IL33: variants seen among roughly 807,000 people sequenced by gnomAD.
IL33 encodes the protein interleukin-33.
A neutral mutation model predicts 27.3 loss-of-function variants in IL33; 37 were observed. The observed-to-expected ratio is 1.36, with a 90% CI of 1.04 to 1.78. IL33 has a LOEUF of 1.78. Among genes scored for constraint, IL33 ranks in the 40% most tolerant of loss-of-function variants. The pLI is 0.00. For missense variants in IL33, 406 were observed against 311.4 expected, an observed-to-expected ratio of 1.30 and a Z score of -2.29; for synonymous variants, 132 against 102.9, an observed-to-expected ratio of 1.28 and a Z score of -1.71.
chr9:6,253,823 C>T (rs1816561019), intron 6 of IL33, among the ~76,000 whole-genome samples: 1 of 152,104 alleles, frequency 6.6e-6, no homozygotes, highest in African/African-American at 2.4e-5. Context: ...AATACAGATC[C>T]AAAACAAGAG....
intron 1 of IL33, among the ~76,000 whole-genome samples, chr9:6,221,251 G>A (rs1818399731): frequency 6.6e-6 from 1 of 152,086 alleles, no homozygotes; most frequent in East Asian, 1.9e-4. Flanking sequence ...ACTTATTCAA[G>A]AGCCATATGG....
chr9:6,248,244 T>C (rs1388612030), intron 2 of IL33, among the ~76,000 whole-genome samples: 1 of 53,486 alleles, frequency 1.9e-5, no homozygotes, highest in Non-Finnish European at 3.2e-5. Context: ...TCTTTTCTTT[T>C]TTTTTTTTTT....
chr9:6,227,908 G>A (rs776191558), intron 1 of IL33, among the ~76,000 whole-genome samples: 2 of 152,088 alleles, frequency 1.3e-5, no homozygotes, highest in East Asian at 1.9e-4. Context: ...GGAATGCAAC[G>A]GATTTGGATT....
At chr9:6,218,659 C>T (rs1818258713) in intron 1 of IL33, among the ~76,000 whole-genome samples, 1 of 140,958 alleles carries the variant, frequency 7.1e-6, no homozygotes, top group African/African-American at 2.7e-5. Flanking sequence ...TACATATGTC[C>T]CCATATATAT....
chr9:6,215,816 C>G lies in IL33; in HGVS notation c.-48C>G, dbSNP rs1222976053. ...ACAGACTCCTCCGAACACAGAGCTG[C>G]AGCTCTTCAGGGAAGAAATCAAAAC... is the stretch of plus-strand genomic sequence containing the variant. On this transcript the variant is annotated 5_prime_UTR_variant, in exon 1 of 8. Transcript: ENST00000682010. The G allele has an allele frequency of 6.6e-6, 1 of 152,108 alleles. No homozygotes were observed. The highest frequency in any genetic ancestry group is 1.5e-5 in the Non-Finnish European group (1 of 68,044). 9.4% of individuals were successfully genotyped at this position (152,108 alleles called of 1,614,324 possible).
intron 1 of IL33, among the ~76,000 whole-genome samples, chr9:6,218,110 C>T (rs761771344): frequency 2.6e-4 from 40 of 152,214 alleles, no homozygotes; most frequent in Non-Finnish European, 4.9e-4. Context: ...TCACACAGCT[C>T]GGTATTGTCT....
chr9:6,221,349 G>C (rs1316918606), intron 1 of IL33, among the ~76,000 whole-genome samples: 1 of 152,140 alleles, frequency 6.6e-6, no homozygotes, highest in Non-Finnish European at 1.5e-5. Context: ...AGTATAAGCT[G>C]TTTTACAAAA....
At chr9:6,230,105 G>T (rs956604417) in intron 1 of IL33, among the ~76,000 whole-genome samples, 3 of 152,160 alleles carry the variant, frequency 2.0e-5, no homozygotes, top group Non-Finnish European at 4.4e-5. Context: ...TGATGGGGCA[G>T]GTAGTGCCAA....
intron 1 of IL33, among the ~76,000 whole-genome samples, chr9:6,227,105 A>G (rs1208397487): frequency 6.6e-6 from 1 of 152,230 alleles, no homozygotes; most frequent in Non-Finnish European, 1.5e-5. Context: ...GTTTCCTTCC[A>G]GCAAGGGCTG....
At chr9:6,246,467 CAGG>C (rs561047741) in intron 2 of IL33, among the ~76,000 whole-genome samples, 102 of 152,202 alleles carry the variant, frequency 6.7e-4, no homozygotes, top group African/African-American at 2.4e-3. Flanking sequence ...GAAGCTGAGG[CAGG>C]AGAATTGCTG....
At position 6,250,551 on chromosome 9, in the gene IL33, G is replaced by T. The variant is rs183839589; in HGVS notation, c.169G>T (p.Ala57Ser). 3 of 1,613,990 alleles carry T rather than the reference G, an allele frequency of 1.9e-6. No homozygotes were observed. Among genetic ancestry groups the T allele is most frequent in the Non-Finnish European group, 2.5e-6 (3 of 1,179,932 alleles). Residue 57 changes from alanine to serine, a missense_variant, in exon 3 of 8, where the codon GCC becomes TCC. Physicochemically the swap from Ala to Ser is moderately conservative, Grantham distance 99. Coordinates refer to ENST00000682010, the MANE Select transcript of IL33 (RefSeq NM_033439.4). Reference sequence around the variant, plus strand: ...CTCTGGCCTTATGATAAAAAAGGAGGCCTGTTACTTTAGGAGAGAAACCAC... The same window carrying T: ...CTCTGGCCTTATGATAAAAAAGGAGTCCTGTTACTTTAGGAGAGAAACCAC... ...LRSGLMIKKEACYFRRETTKR... is the reference protein window; with the variant it reads ...LRSGLMIKKESCYFRRETTKR...
intron 1 of IL33, among the ~76,000 whole-genome samples, chr9:6,228,126 T>C (rs1182600038): frequency 2.6e-5 from 4 of 152,170 alleles, no homozygotes; most frequent in Non-Finnish European, 4.4e-5. Flanking sequence ...TCTTGGCACA[T>C]AGTAAACACT....
intron 1 of IL33, among the ~76,000 whole-genome samples, chr9:6,226,598 T>A (rs1373468936): frequency 6.6e-6 from 1 of 152,236 alleles, no homozygotes; most frequent in East Asian, 1.9e-4. Context: ...TTCACTTGTG[T>A]TTAATCTTCT....
Position 6,255,972 on chromosome 9 carries a change from A to G in IL33, c.617A>G (p.His206Arg), listed in dbSNP as rs778065993. The change falls in exon 8 of 8, where the codon CAT (histidine) becomes CGT (arginine). Residue 206 changes from histidine (H) to arginine (R), a missense_variant. His to Arg is a conservative substitution (Grantham distance 29). Transcript: ENST00000682010. The part of the protein sequence containing the change: ...ANNKEHSVEL[H>R]KCEKPLPDQA... The stretch of plus-strand genomic sequence containing the variant: ...CTTTCTCTCTTGTTTCCTCAGCTCC[A>G]TAAGTGTGAAAAACCACTGCCAGAC... The G allele has an allele frequency of 2.2e-5, 36 of 1,613,124 alleles. No individual in the cohort carries two copies. Among genetic ancestry groups the G allele is most frequent in the Middle Eastern group, 1.6e-4 (1 of 6,080 alleles).
At chr9:6,227,379 G>T (rs370054156) in intron 1 of IL33, among the ~76,000 whole-genome samples, 5 of 152,200 alleles carry the variant, frequency 3.3e-5, no homozygotes, top group Admixed American at 6.5e-5. Context: ...CCTCAATGTT[G>T]TTTGAAAAGA....
chr9:6,221,173 T>C (rs1177177381), intron 1 of IL33, among the ~76,000 whole-genome samples: 4 of 152,170 alleles, frequency 2.6e-5, no homozygotes, highest in Non-Finnish European at 4.4e-5. Flanking sequence ...CAGCTTCCTG[T>C]TTTTTCCCCC....
intron 7 of IL33, among the ~76,000 whole-genome samples, chr9:6,254,903 G>T (rs994941503): frequency 6.6e-6 from 1 of 152,062 alleles, no homozygotes; most frequent in Admixed American, 6.6e-5. Flanking sequence ...AGTTTGAGAA[G>T]CACTGTTACA....
intron 1 of IL33, among the ~76,000 whole-genome samples, chr9:6,231,037 A>T (rs1200587807): frequency 6.6e-6 from 1 of 152,170 alleles, no homozygotes; most frequent in Non-Finnish European, 1.5e-5. Flanking sequence ...GACGCCAAAC[A>T]TTGCAGCTAC....
intron 4 of IL33, 67 bp downstream of exon 4, chr9:6,251,332 C>A: frequency 6.3e-7 from 1 of 1,592,938 alleles, no homozygotes. Context: ...CCGGAAAGTG[C>A]TACTCCAGGT....
Sources: allele counts gnomAD v4.1 joint callset (sites outside exome capture counted in the v4.1 genomes callset), GRCh38; gene constraint gnomAD v4.1.1; transcripts MANE v1.5; gene names NCBI Gene and HGNC (gene_info 2026-07-23, HGNC 2026-07-21).